Variants in CLDN16 observed in about 807,000 individuals in gnomAD.
CLDN16 encodes claudin 16, also known as claudin-16.
Under a neutral mutation model 24.6 loss-of-function variants are expected in CLDN16, and 13 were observed. The observed-to-expected ratio is 0.53, with a 90% CI of 0.34 to 0.84. The LOEUF (loss-of-function observed/expected upper bound fraction) is 0.84. Among genes scored for constraint, CLDN16 ranks in the 40% least tolerant of loss-of-function variants. CLDN16 has a pLI of 0.01. For missense variants in CLDN16, 298 were observed against 292.7 expected (o/e 1.02, Z -0.13); for synonymous variants, 116 against 106.7 (o/e 1.09, Z -0.54).
At chr3:190,399,902 C>T (rs572629749) in intron 1 of CLDN16, among the ~76,000 whole-genome samples, 8 of 152,190 alleles carry the variant, frequency 5.3e-5, no homozygotes, top group South Asian at 2.1e-4. Flanking sequence ...CGGCAGTATT[C>T]GATTCTCATA....
the CLDN16 span, among the ~76,000 whole-genome samples, chr3:190,312,242 T>C: frequency 5.3e-5 from 8 of 152,264 alleles, no homozygotes; most frequent in African/African-American, 1.7e-4. Flanking sequence ...AAAAAACACG[T>C]ATTTATTTTA....
intron 1 of CLDN16, among the ~76,000 whole-genome samples, chr3:190,402,081 T>C (rs1396000010): frequency 6.6e-6 from 1 of 152,180 alleles, no homozygotes; most frequent in Non-Finnish European, 1.5e-5. Flanking sequence ...GTTTTATCTC[T>C]TCCAGACGTG....
intron 3 of CLDN16, among the ~76,000 whole-genome samples, chr3:190,407,602 A>G (rs546382409): frequency 5.9e-5 from 9 of 152,338 alleles, no homozygotes; most frequent in Admixed American, 3.9e-4. Context: ...TTAAAATAAC[A>G]GGACACTAGT....
intron 1 of CLDN16, among the ~76,000 whole-genome samples, chr3:190,335,023 C>CTTTTTT (rs57744577): frequency 2.2e-5 from 3 of 134,384 alleles, no homozygotes; most frequent in Non-Finnish European, 3.2e-5. Context: ...TTTCTTTTTT[C>CTTTTTT]TTTTTTTTTT....
upstream of CLDN16, among the ~76,000 whole-genome samples, chr3:190,318,548 G>A (rs115974321): frequency 7.5e-3 from 1,142 of 152,142 alleles, 18 homozygotes; most frequent in African/African-American, 0.026. Context: ...TATAAGTGGG[G>A]TAACTACTTG....
intron 1 of CLDN16, among the ~76,000 whole-genome samples, chr3:190,365,075 C>G (rs1471495074): frequency 6.6e-6 from 1 of 151,864 alleles, no homozygotes; most frequent in Non-Finnish European, 1.5e-5. Flanking sequence ...CTTATGTGCA[C>G]TAAGTAACAC....
Position 190,397,269 on chromosome 3 carries a change from A to G in CLDN16, c.115-5068A>G, listed in dbSNP as rs75474984. ...TCACTTTTGGGAACAATAGATATTC[A>G]TTGAAACAATACAAATTAGCATTGT... On this transcript the variant is annotated intron_variant, in intron 1 of 4. Transcript: ENST00000264734. 7.6e-3 allele frequency among the ~76,000 whole-genome samples: 1,163 copies of G among 152,316 alleles called. 16 individuals carry two copies. The highest frequency in any genetic ancestry group is 0.027 in the African/African-American group (1,124 of 41,574).
chr3:190,371,223 T>C (rs1718136186), intron 2 of CLDN16, among the ~76,000 whole-genome samples: 1 of 150,986 alleles, frequency 6.6e-6, no homozygotes. Flanking sequence ...ATATATAGTA[T>C]AATATATACA....
chr3:190,325,187 G>C lies in CLDN16; in HGVS notation n.121+2526G>C, dbSNP rs114785143. 6.6e-3 allele frequency among the ~76,000 whole-genome samples: 1,003 copies of C among 152,236 alleles called. 22 individuals carry two copies. The highest frequency in any genetic ancestry group is 0.023 in the African/African-American group (960 of 41,504). On this transcript the variant is annotated intron_variant and non_coding_transcript_variant, in intron 1 of 4. Coordinates refer to the CLDN16 transcript ENST00000468220. Reference sequence around the variant, plus strand: ...TCTACGTGCAGGTAACAGACACAGAGAGGTCAGGCTGCTTATCCAAGTTCA... The same window carrying C: ...TCTACGTGCAGGTAACAGACACAGACAGGTCAGGCTGCTTATCCAAGTTCA...
chr3:190,330,758 A>T (rs1297911253), intron 1 of CLDN16, among the ~76,000 whole-genome samples: 1 of 152,212 alleles, frequency 6.6e-6, no homozygotes, highest in East Asian at 1.9e-4. Flanking sequence ...TTGTGTCATA[A>T]GATGAATTAT....
At chr3:190,366,129 C>T (rs1398088917) in intron 1 of CLDN16, among the ~76,000 whole-genome samples, 1 of 151,912 alleles carries the variant, frequency 6.6e-6, no homozygotes, top group Non-Finnish European at 1.5e-5. Flanking sequence ...CTTTTATTGT[C>T]CCTGCAGCTG....
chr3:190,353,640 A>G (rs964875872), intron 1 of CLDN16, among the ~76,000 whole-genome samples: 1 of 152,132 alleles, frequency 6.6e-6, no homozygotes, highest in Non-Finnish European at 1.5e-5. Context: ...CGTTCAAACA[A>G]TTGAGATATT....
At chr3:190,356,927 T>C (rs1174206203) in intron 1 of CLDN16, among the ~76,000 whole-genome samples, 1 of 151,938 alleles carries the variant, frequency 6.6e-6, no homozygotes, top group Non-Finnish European at 1.5e-5. Flanking sequence ...ACAAAGATTC[T>C]AATGGAGTTG....
At chr3:190,358,093 GAAA>G in intron 1 of CLDN16, among the ~76,000 whole-genome samples, 1 of 151,238 alleles carries the variant, frequency 6.6e-6, no homozygotes, top group East Asian at 2.0e-4. Flanking sequence ...GCAGTATTAC[GAAA>G]AAAAAGAAAA....
At chr3:190,409,231 T>C (rs1358560000) in intron 4 of CLDN16, among the ~76,000 whole-genome samples, 7 of 152,216 alleles carry the variant, frequency 4.6e-5, no homozygotes, top group African/African-American at 1.4e-4. Flanking sequence ...TATATGCATG[T>C]ATATATGCAC....
intron 1 of CLDN16, among the ~76,000 whole-genome samples, chr3:190,353,086 G>A (rs1717702138): frequency 1.3e-5 from 2 of 151,972 alleles, no homozygotes; most frequent in African/African-American, 2.4e-5. Context: ...TTGTAAAATG[G>A]GATAAACATA....
intron 1 of CLDN16, among the ~76,000 whole-genome samples, chr3:190,337,554 T>C (rs1717338819): frequency 6.6e-6 from 1 of 152,214 alleles, no homozygotes; most frequent in East Asian, 1.9e-4. Context: ...AAAGCTCATA[T>C]ACCCGATGCC....
the CLDN16 span, among the ~76,000 whole-genome samples, chr3:190,294,328 C>T: frequency 6.6e-6 from 1 of 152,108 alleles, no homozygotes; most frequent in Non-Finnish European, 1.5e-5. Flanking sequence ...GTTCAGAGCA[C>T]ACCACATGTA....
At chr3:190,356,474 C>T (rs1717775996) in intron 1 of CLDN16, among the ~76,000 whole-genome samples, 1 of 151,786 alleles carries the variant, frequency 6.6e-6, no homozygotes, top group African/African-American at 2.4e-5. Context: ...TTTGAACTGC[C>T]AGGCCCAAAT....
Sources: gnomAD v4.1 joint callset for allele counts (sites outside exome capture counted in the v4.1 genomes callset) on GRCh38, gnomAD v4.1.1 for gene constraint, MANE v1.5 for transcripts, NCBI Gene and HGNC (gene_info 2026-07-23, HGNC 2026-07-21) for gene names.